Variants in GRM7 observed in about 807,000 individuals in gnomAD.
GRM7 encodes metabotropic glutamate receptor 7.
In GRM7, 35 loss-of-function variants were observed where a neutral mutation model predicts 84.5. The ratio of observed to expected loss-of-function variants is 0.41; its 90% CI spans 0.32 to 0.55. The LOEUF (loss-of-function observed/expected upper bound fraction) is 0.55, where lower values mean the gene tolerates loss of function less well. GRM7 is among the 20% of genes least tolerant of loss of function. GRM7 has a pLI of 0.19. For missense variants in GRM7, 1,003 were observed against 1,194.6 expected (o/e 0.84, Z 2.36); for synonymous variants, 487 against 455.1 (o/e 1.07, Z -0.89).
At chr3:7,495,939 G>A (rs368283714) in intron 7 of GRM7, among the ~76,000 whole-genome samples, 37 of 152,290 alleles carry the variant, frequency 2.4e-4, no homozygotes, top group African/African-American at 8.4e-4. Context: ...TAATGAGGAA[G>A]ACCTGAGAAA....
At chr3:7,357,449 A>G (rs1575213851) in intron 4 of GRM7, among the ~76,000 whole-genome samples, 1 of 152,052 alleles carries the variant, frequency 6.6e-6, no homozygotes, top group East Asian at 1.9e-4. Flanking sequence ...ACCCCCTTCA[A>G]TAGTCATACC....
intron 2 of GRM7, among the ~76,000 whole-genome samples, chr3:7,279,702 C>T (rs1477725239): frequency 6.6e-6 from 1 of 152,142 alleles, no homozygotes; most frequent in Non-Finnish European, 1.5e-5. Flanking sequence ...GCTCTACTTC[C>T]ATAAGACACA....
At chr3:7,288,177 A>G (rs960436865) in intron 2 of GRM7, among the ~76,000 whole-genome samples, 1 of 152,206 alleles carries the variant, frequency 6.6e-6, no homozygotes, top group Non-Finnish European at 1.5e-5. Context: ...CTTTAAGGAT[A>G]TACAAAGGAA....
chr3:7,253,509 G>A (rs1698082366), intron 2 of GRM7, among the ~76,000 whole-genome samples: 1 of 151,232 alleles, frequency 6.6e-6, no homozygotes, highest in Non-Finnish European at 1.5e-5. Flanking sequence ...CCTAGCTGCT[G>A]GGGAGGCTGA....
At chr3:7,336,187 A>G (rs1453388939) in intron 4 of GRM7, among the ~76,000 whole-genome samples, 2 of 152,074 alleles carry the variant, frequency 1.3e-5, no homozygotes, top group Admixed American at 1.3e-4. Flanking sequence ...TCCAAAAGAT[A>G]ATATGCCACG....
intron 7 of GRM7, among the ~76,000 whole-genome samples, chr3:7,473,354 G>A (rs899093499): frequency 1.3e-5 from 2 of 152,100 alleles, no homozygotes; most frequent in African/African-American, 4.8e-5. Context: ...GCACATGCTT[G>A]TAGTCCTAGC....
At chr3:7,427,761 T>C (rs1025385383) in intron 5 of GRM7, among the ~76,000 whole-genome samples, 2 of 152,150 alleles carry the variant, frequency 1.3e-5, no homozygotes, top group Admixed American at 1.3e-4. Flanking sequence ...AGATCATTTT[T>C]GCTATTTTAT....
At chr3:7,304,274 A>G (rs1156348651) in intron 3 of GRM7, among the ~76,000 whole-genome samples, 1 of 140,730 alleles carries the variant, frequency 7.1e-6, no homozygotes, top group Non-Finnish European at 1.5e-5. Context: ...TTGTCAGAAT[A>G]TTGAAGCCAT....
chr3:7,624,273 T>G (rs1697501449), intron 8 of GRM7, among the ~76,000 whole-genome samples: 1 of 152,062 alleles, frequency 6.6e-6, no homozygotes, highest in Admixed American at 6.6e-5. Flanking sequence ...TACATGGAGT[T>G]GGGAAGGCCT....
intron 1 of GRM7, among the ~76,000 whole-genome samples, chr3:6,964,847 G>A (rs534572502): frequency 2.0e-5 from 3 of 152,246 alleles, no homozygotes; most frequent in East Asian, 3.9e-4. Context: ...TGCCGTTAGC[G>A]TTCTCCCTGT....
chr3:7,657,518 C>A (rs1023533121), intron 8 of GRM7, among the ~76,000 whole-genome samples: 1 of 152,136 alleles, frequency 6.6e-6, no homozygotes, highest in African/African-American at 2.4e-5. Flanking sequence ...TTAGTTACCA[C>A]TGAAGAAGAA....
At chr3:7,691,872 G>T (rs1700813839) in intron 9 of GRM7, among the ~76,000 whole-genome samples, 1 of 152,062 alleles carries the variant, frequency 6.6e-6, no homozygotes, top group Non-Finnish European at 1.5e-5. Context: ...TGTTTGTCAG[G>T]CTGGTCTCGA....
At chr3:7,376,040 C>T (rs553045850) in intron 4 of GRM7, among the ~76,000 whole-genome samples, 37 of 152,266 alleles carry the variant, frequency 2.4e-4, no homozygotes, top group East Asian at 1.9e-3. Context: ...GATATTGTCC[C>T]AGGTATACCA....
intron 1 of GRM7, among the ~76,000 whole-genome samples, chr3:7,043,368 G>A (rs1696698594): frequency 6.6e-6 from 1 of 152,154 alleles, no homozygotes; most frequent in African/African-American, 2.4e-5. Flanking sequence ...AATGCATGTA[G>A]TCTTCTGGGC....
At chr3:7,635,431 A>G (rs904047131) in intron 8 of GRM7, among the ~76,000 whole-genome samples, 5 of 152,304 alleles carry the variant, frequency 3.3e-5, no homozygotes, top group Middle Eastern at 3.4e-3. Context: ...TGTCAAACCA[A>G]CCTAACTCCT....
chr3:6,889,081 T>A (rs919878824), intron 1 of GRM7, among the ~76,000 whole-genome samples: 6 of 152,368 alleles, frequency 3.9e-5, no homozygotes, highest in African/African-American at 1.4e-4. Flanking sequence ...ACATTGATTT[T>A]GTATCCTGAG....
At chr3:6,948,209 T>C (rs1158402369) in intron 1 of GRM7, among the ~76,000 whole-genome samples, 6 of 152,130 alleles carry the variant, frequency 3.9e-5, no homozygotes, top group Non-Finnish European at 8.8e-5. Context: ...TAAATTTCCC[T>C]CTACACACTG....
chr3:7,268,593 C>T (rs544042971), intron 2 of GRM7, among the ~76,000 whole-genome samples: 1 of 152,298 alleles, frequency 6.6e-6, no homozygotes, highest in Non-Finnish European at 1.5e-5. Context: ...GGGAACACCT[C>T]ATTCTGTTTT....
At chr3:6,888,842 T>C (rs944195821) in intron 1 of GRM7, among the ~76,000 whole-genome samples, 1 of 152,202 alleles carries the variant, frequency 6.6e-6, no homozygotes, top group Non-Finnish European at 1.5e-5. Context: ...ATTTTCATGA[T>C]ATTGATTCTT....
Sources: gnomAD v4.1 joint callset for allele counts (sites outside exome capture counted in the v4.1 genomes callset) on GRCh38, gnomAD v4.1.1 for gene constraint, MANE v1.5 for transcripts, NCBI Gene and HGNC (gene_info 2026-07-23, HGNC 2026-07-21) for gene names.